The following STIP1 variants were observed in gnomAD, a reference collection of about 807,000 sequenced individuals.
STIP1 encodes the protein stress induced phosphoprotein 1, also known as stress-induced-phosphoprotein 1.
STIP1 carries 16 observed loss-of-function variants against 77.4 expected under a neutral mutation model. The ratio of observed to expected loss-of-function variants is 0.21; its 90% CI spans 0.14 to 0.31. The LOEUF is 0.31. Ranked by LOEUF, STIP1 falls within the 10% of genes least tolerant of loss-of-function variation. STIP1 has a pLI of 1.00. For missense variants in STIP1, 524 were observed against 684.8 expected (o/e 0.77, Z 2.62); for synonymous variants, 258 against 246.6 (o/e 1.05, Z -0.44).
At chr11:64,195,906 T>C in intron 5 of STIP1, 93 bp downstream of exon 5, 1 of 1,553,898 alleles carries the variant, frequency 6.4e-7, no homozygotes, top group African/African-American at 1.4e-5. Context: ...TGATTGACCA[T>C]GATTATTATG....
Position 64,197,257 on chromosome 11 carries a change from T to C in STIP1, c.673-14T>C, listed in dbSNP as rs1946161008. On this transcript the variant is annotated splice_polypyrimidine_tract_variant and intron_variant, in intron 5 of 13. Transcript: ENST00000305218. ...GTTAGATTTGCTCAGCACTCACTTC[T>C]AAACCTCATCTAGGCACTGAAAGAA... 1 of 1,613,852 alleles carries C rather than the reference T, an allele frequency of 6.2e-7. No individual in the cohort carries two copies. The highest frequency in any genetic ancestry group is 1.3e-5 in the African/African-American group (1 of 74,858).
chr11:64,188,396 A>AT (rs1001889855), intron 1 of STIP1, among the ~76,000 whole-genome samples: 11 of 150,666 alleles, frequency 7.3e-5, no homozygotes, highest in Admixed American at 1.3e-4. Context: ...TTTATTTTGT[A>AT]TTTTTTTTAG....
rs755628475 is a variant in STIP1 at position 64,200,251 on chromosome 11, T to C, written c.1203T>C (p.Ala401=). The part of the protein sequence containing the change: ...PKDAKLYSNR[A]ACYTKLLEFQ... ...ATGCCAAATTATACAGCAATCGAGCTGCCTGCTACACCAAACTCCTGGAGT... is the reference window on the plus strand; with the variant it reads ...ATGCCAAATTATACAGCAATCGAGCCGCCTGCTACACCAAACTCCTGGAGT... Residue 401 remains alanine, a synonymous_variant, in exon 10 of 14, where the codon GCT becomes GCC. Transcript: ENST00000305218. The C allele has an allele frequency of 6.2e-7, 1 of 1,614,130 alleles. No individual in the cohort carries two copies. Among genetic ancestry groups the C allele is most frequent in the Non-Finnish European group, 8.5e-7 (1 of 1,180,018 alleles).
Position 64,195,689 on chromosome 11 carries a change from T to C in STIP1, c.548T>C (p.Leu183Pro). 6.2e-7 allele frequency: 1 copy of C among 1,614,066 alleles called. No homozygotes were observed. The highest frequency in any genetic ancestry group is 8.5e-7 in the Non-Finnish European group (1 of 1,180,016). ...ATCATGACCACTCTCAGCGTCCTCCTTGGGGTCGATCTGGGCAGTATGGAT... is the reference window on the plus strand; with the variant it reads ...ATCATGACCACTCTCAGCGTCCTCCCTGGGGTCGATCTGGGCAGTATGGAT... ...PRIMTTLSVL[L>P]GVDLGSMDEE... The change falls in exon 5 of 14, where the codon CTT becomes CCT. Residue 183 changes from leucine to proline, a missense_variant. Coordinates refer to ENST00000305218, the MANE Select transcript of STIP1 (RefSeq NM_006819.3).
intron 4 of STIP1, among the ~76,000 whole-genome samples, chr11:64,195,413 G>T (rs1162962130): frequency 6.6e-6 from 1 of 152,156 alleles, no homozygotes; most frequent in Non-Finnish European, 1.5e-5. Flanking sequence ...ACCGTGCTCC[G>T]CTATCTGTGA....
At chr11:64,196,149 AC>A (rs1200959831) in intron 5 of STIP1, among the ~76,000 whole-genome samples, 4 of 152,142 alleles carry the variant, frequency 2.6e-5, no homozygotes, top group African/African-American at 9.7e-5. Context: ...TAATCCCAGC[AC>A]TTTTGGAGGC....
intron 8 of STIP1, among the ~76,000 whole-genome samples, chr11:64,198,233 G>T (rs1591012193): frequency 2.0e-5 from 3 of 147,740 alleles, no homozygotes; most frequent in Non-Finnish European, 4.5e-5. Context: ...TTTTTTTTTT[G>T]AGATGGAGTC....
chr11:64,191,181 C>G (rs1375285227), intron 1 of STIP1, among the ~76,000 whole-genome samples: 1 of 134,862 alleles, frequency 7.4e-6, no homozygotes, highest in Non-Finnish European at 1.6e-5. Flanking sequence ...GAGTGAAACT[C>G]TGTCTCAAAA....
rs1946201370 is a variant in STIP1, at chr11:64,200,164, C to T, written c.1121-5C>T. The T allele has an allele frequency of 6.8e-6, 11 of 1,610,424 alleles. No homozygotes were observed. The highest frequency in any genetic ancestry group is 9.3e-6 in the Non-Finnish European group (11 of 1,178,420). ...TAAAAGACAGTCTTTGTTTTTCTTC[C>T]CCAGGGGACTATCCCCAGGCCATGA... is the stretch of plus-strand genomic sequence containing the variant. On this transcript the variant is annotated splice_region_variant and splice_polypyrimidine_tract_variant and intron_variant, in intron 9 of 13. Transcript: ENST00000305218.
chr11:64,191,806 A>C (rs1291514260), intron 1 of STIP1, among the ~76,000 whole-genome samples: 1 of 151,444 alleles, frequency 6.6e-6, no homozygotes, highest in African/African-American at 2.4e-5. Context: ...GGAAAATGCA[A>C]ACTTGGGGAG....
At chr11:64,202,832 G>C (rs755684136) in intron 10 of STIP1, 44 bp from the exon 11 acceptor site, 3 of 1,613,630 alleles carry the variant, frequency 1.9e-6, no homozygotes, top group Non-Finnish European at 2.5e-6. Flanking sequence ...TACTGAGCTT[G>C]TCCAAGGGAA....
intron 10 of STIP1, among the ~76,000 whole-genome samples, chr11:64,200,915 C>T (rs1946212589): frequency 1.3e-5 from 2 of 151,688 alleles, no homozygotes; most frequent in South Asian, 2.1e-4. Context: ...TTAGTAGAAA[C>T]GGGGTTTTAC....
Position 64,193,141 on chromosome 11 carries a change from C to T in STIP1, c.73C>T (p.Gln25Ter), listed in dbSNP as rs1420916613. The T allele has an allele frequency of 6.2e-7, 1 of 1,614,212 alleles. No homozygotes were observed. Among genetic ancestry groups the T allele is most frequent in the South Asian group, 1.1e-5 (1 of 91,084 alleles). ...CGTGGGTAACATCGATGATGCCTTACAGTGCTACTCCGAAGCTATTAAGCT... is the reference window on the plus strand; with the variant it reads ...CGTGGGTAACATCGATGATGCCTTATAGTGCTACTCCGAAGCTATTAAGCT... ...LSVGNIDDAL[Q>*]CYSEAIKLDP... Residue 25 changes from glutamine (Q) to a stop codon, truncating the protein, a stop_gained, in exon 2 of 14, where the codon CAG (glutamine) becomes TAG (stop). Transcript: ENST00000305218. LOFTEE classifies it high-confidence loss of function.
chr11:64,203,456 G>A lies in STIP1; in HGVS notation c.1393G>A (p.Ala465Thr), dbSNP rs753606009. ...LDLDSSCKEAADGYQRCMMAQ... is the reference protein window; with the variant it reads ...LDLDSSCKEATDGYQRCMMAQ... The stretch of plus-strand genomic sequence containing the variant: ...TGTCTCTTCTGGACTGCAGGAGGCG[G>A]CAGACGGCTACCAGCGCTGTATGAT... The change falls in exon 13 of 14, where the codon GCA becomes ACA. Residue 465 changes from alanine to threonine, a missense_variant. Transcript: ENST00000305218. 2.5e-6 allele frequency: 4 copies of A among 1,613,986 alleles called. No individual in the cohort carries two copies. In the South Asian group the frequency reaches 3.3e-5, roughly 13 times the overall value.
At chr11:64,192,404 T>G (rs1379106772) in intron 1 of STIP1, among the ~76,000 whole-genome samples, 1 of 152,234 alleles carries the variant, frequency 6.6e-6, no homozygotes, top group African/African-American at 2.4e-5. Context: ...CAGTAGCATT[T>G]CTTCATCCTC....
At chr11:64,191,416 G>A (rs1946091174) in intron 1 of STIP1, among the ~76,000 whole-genome samples, 5 of 151,732 alleles carry the variant, frequency 3.3e-5, no homozygotes, top group Admixed American at 3.3e-4. Flanking sequence ...GACCAGCCTG[G>A]CCAACATGGT....
chr11:64,187,873 C>T (rs1946043477), intron 1 of STIP1, among the ~76,000 whole-genome samples: 3 of 151,700 alleles, frequency 2.0e-5, no homozygotes, highest in South Asian at 4.2e-4. Context: ...GGCGTGGTGG[C>T]GGGAGCCTGT....
chr11:64,186,310 G>T, intron 1 of STIP1, 40 bp downstream of exon 1: 1 of 1,516,896 alleles, frequency 6.6e-7, no homozygotes, highest in Non-Finnish European at 8.8e-7. Context: ...GAGCCTGCTC[G>T]GGGACCGGCG....
rs1042415671 is a variant in STIP1, at chr11:64,194,606, T to A, written c.489T>A (p.Pro163=). 6.2e-7 allele frequency: 1 copy of A among 1,613,978 alleles called. No homozygotes were observed. ...RELIEQLRNK[P]SDLGTKLQDP... is the part of the protein sequence containing the mutation. ...TGATAGAGCAGCTACGAAACAAGCC[T>A]TCTGACCTGGGCACGTAAGTGGACG... The change falls in exon 4 of 14, where the codon CCT becomes CCA. Residue 163 remains proline, a synonymous_variant. Coordinates refer to ENST00000305218, the MANE Select transcript of STIP1 (RefSeq NM_006819.3).
Sources: gnomAD v4.1 joint callset for allele counts (sites outside exome capture counted in the v4.1 genomes callset) on GRCh38, gnomAD v4.1.1 for gene constraint, MANE v1.5 for transcripts, NCBI Gene and HGNC (gene_info 2026-07-23, HGNC 2026-07-21) for gene names.